TRAPPC9: variants seen among roughly 807,000 people sequenced by gnomAD.
TRAPPC9 encodes trafficking protein particle complex subunit 9.
TRAPPC9 carries 83 observed loss-of-function variants against 124.0 expected under a neutral mutation model. The ratio of observed to expected loss-of-function variants is 0.67; its 90% CI spans 0.56 to 0.80. The LOEUF is 0.80. TRAPPC9 is among the 30% of genes least tolerant of loss of function. The probability of loss-of-function intolerance (pLI) is 0.00; values close to 1 mark genes in which losing one functional copy is unlikely to be tolerated. For synonymous variants in TRAPPC9, 638 were observed against 617.5 expected (o/e 1.03, Z -0.49); for missense variants, 1,302 against 1,508.3 (o/e 0.86, Z 2.27).
intron 2 of TRAPPC9, among the ~76,000 whole-genome samples, chr8:140,445,261 A>G (rs1417176172): frequency 6.6e-6 from 1 of 152,164 alleles, no homozygotes; most frequent in Non-Finnish European, 1.5e-5. Flanking sequence ...TCTAAAGTAT[A>G]TCACAGCTTC....
intron 20 of TRAPPC9, among the ~76,000 whole-genome samples, chr8:139,906,481 G>A (rs1455859489): frequency 2.6e-5 from 4 of 152,152 alleles, no homozygotes; most frequent in Non-Finnish European, 5.9e-5. Context: ...CTGAGGGAGG[G>A]GACAAGAACA....
chr8:139,890,594 C>T (rs1830279216), intron 20 of TRAPPC9, among the ~76,000 whole-genome samples: 1 of 152,224 alleles, frequency 6.6e-6, no homozygotes. Context: ...TGAGGGACCC[C>T]TTCCCGGTCT....
At chr8:140,392,728 T>C (rs1376404956) in intron 7 of TRAPPC9, among the ~76,000 whole-genome samples, 15 of 152,220 alleles carry the variant, frequency 9.9e-5, no homozygotes, top group Non-Finnish European at 2.1e-4. Flanking sequence ...GGACAAGTTG[T>C]ACAACCTTTC....
chr8:140,453,069 C>T (rs898381815), intron 1 of TRAPPC9, among the ~76,000 whole-genome samples: 2 of 152,150 alleles, frequency 1.3e-5, no homozygotes, highest in Non-Finnish European at 2.9e-5. Flanking sequence ...CATGGAGCTA[C>T]AACTACTATA....
chr8:140,263,681 G>A (rs1289502792), intron 15 of TRAPPC9, among the ~76,000 whole-genome samples: 1 of 152,162 alleles, frequency 6.6e-6, no homozygotes, highest in African/African-American at 2.4e-5. Context: ...ACTAGGAGGG[G>A]ACAATGGTCA....
At chr8:140,061,298 G>A (rs1842596340) in intron 17 of TRAPPC9, among the ~76,000 whole-genome samples, 1 of 49,608 alleles carries the variant, frequency 2.0e-5, no homozygotes, top group African/African-American at 4.0e-5. Context: ...AGGCTGCCCG[G>A]CAGCCTGTTG....
chr8:140,205,613 A>G (rs1387363491), intron 17 of TRAPPC9, among the ~76,000 whole-genome samples: 3 of 152,260 alleles, frequency 2.0e-5, no homozygotes, highest in Non-Finnish European at 4.4e-5. Context: ...TTAAAAATCA[A>G]AGAGAACAAC....
chr8:140,266,394 T>C (rs2064654205), intron 15 of TRAPPC9, among the ~76,000 whole-genome samples: 3 of 141,568 alleles, frequency 2.1e-5, no homozygotes, highest in South Asian at 2.3e-4. Context: ...ACCTGGGAGG[T>C]GGAGGTTGCA....
Position 139,776,262 on chromosome 8 carries a change from C to G in TRAPPC9, c.3056-44060G>C, listed in dbSNP as rs1821367146. On this transcript the variant is annotated intron_variant, in intron 21 of 22. Transcript: ENST00000438773. This position sits in a 1 kb window ranked among gnomAD's most constrained non-coding sequence, Gnocchi z 4.1. ...GCTGCAGCCTCCCAGTCAGATGACT[C>G]AGCGCACAGATGAACTCAGCCACTC... 6.6e-6 allele frequency among the ~76,000 whole-genome samples: 1 copy of G among 152,198 alleles called. No individual in the cohort carries two copies. The highest frequency in any genetic ancestry group is 6.5e-5 in the Admixed American group (1 of 15,288).
In TRAPPC9 at chr8:140,241,936, T is replaced by G. The variant is rs1194092354; in HGVS notation, c.2431+10841A>C. Among the ~76,000 whole-genome samples the G allele has an allele frequency of 6.6e-6, 1 of 151,828 alleles. No homozygotes were observed. Among genetic ancestry groups the G allele is most frequent in the African/African-American group, 2.4e-5 (1 of 41,310 alleles). On this transcript the variant is annotated intron_variant, in intron 16 of 22. Transcript: ENST00000438773. This position sits in a 1 kb window ranked among gnomAD's most constrained non-coding sequence, Gnocchi z 5.0. Reference sequence around the variant, plus strand: ...AGCACACGGCAGCTACGTGGGAGACTCAGGGAAGGATGAGCTCGAGCTCTG... The same window carrying G: ...AGCACACGGCAGCTACGTGGGAGACGCAGGGAAGGATGAGCTCGAGCTCTG...
chr8:139,952,731 C>G (rs1193260070), intron 19 of TRAPPC9, among the ~76,000 whole-genome samples: 3 of 152,212 alleles, frequency 2.0e-5, no homozygotes, highest in Non-Finnish European at 4.4e-5. Flanking sequence ...CTGTGGCAGT[C>G]GACTCACACT....
intron 19 of TRAPPC9, among the ~76,000 whole-genome samples, chr8:139,985,090 T>C (rs1175801060): frequency 6.6e-6 from 1 of 152,208 alleles, no homozygotes; most frequent in Non-Finnish European, 1.5e-5. Context: ...GAATATTTTA[T>C]GAATAAATAA....
intron 21 of TRAPPC9, among the ~76,000 whole-genome samples, chr8:139,794,131 A>C (rs974179179): frequency 1.6e-4 from 24 of 150,624 alleles, no homozygotes; most frequent in African/African-American, 5.6e-4. Flanking sequence ...GTCGCTGGGC[A>C]GACCCCACCC....
intron 9 of TRAPPC9, among the ~76,000 whole-genome samples, chr8:140,334,988 TCA>T (rs923040181): frequency 2.0e-5 from 3 of 152,054 alleles, no homozygotes; most frequent in African/African-American, 7.3e-5. Context: ...CAAAAAATGT[TCA>T]GTGTATCTGA....
intron 19 of TRAPPC9, among the ~76,000 whole-genome samples, chr8:139,966,825 C>T (rs574796697): frequency 3.9e-5 from 6 of 152,246 alleles, no homozygotes; most frequent in Middle Eastern, 3.4e-3. Context: ...ATGGTCATTT[C>T]GGTGCAACCT....
At chr8:140,332,904 G>A (rs369173684) in intron 9 of TRAPPC9, among the ~76,000 whole-genome samples, 1 of 152,150 alleles carries the variant, frequency 6.6e-6, no homozygotes, top group Non-Finnish European at 1.5e-5. Context: ...GGGAGGCCAG[G>A]TGGGAGGATC....
chr8:140,106,816 C>T (rs765997154), intron 17 of TRAPPC9, among the ~76,000 whole-genome samples: 3 of 152,170 alleles, frequency 2.0e-5, no homozygotes, highest in African/African-American at 7.2e-5. Context: ...TGCCAAGCTC[C>T]ACAGAGATAC....
intron 19 of TRAPPC9, among the ~76,000 whole-genome samples, chr8:139,947,652 G>A (rs2131480982): frequency 6.6e-6 from 1 of 151,864 alleles, no homozygotes; most frequent in South Asian, 2.1e-4. Flanking sequence ...CTGAAGTCAG[G>A]AGTTTGTGAT....
At chr8:140,377,597 G>A (rs1239618444) in intron 7 of TRAPPC9, among the ~76,000 whole-genome samples, 3 of 152,086 alleles carry the variant, frequency 2.0e-5, no homozygotes, top group Admixed American at 6.6e-5. Context: ...ACCCAGCCAA[G>A]TTCTGAGTTT....
Sources: gnomAD v4.1 joint callset for allele counts (sites outside exome capture counted in the v4.1 genomes callset) on GRCh38, gnomAD v4.1.1 for gene constraint, Gnocchi (gnomAD v3.1) non-coding constraint, MANE v1.5 for transcripts, NCBI Gene and HGNC (gene_info 2026-07-23, HGNC 2026-07-21) for gene names.